Variants in DOCK7 observed in about 807,000 individuals in gnomAD.
DOCK7 encodes the protein dedicator of cytokinesis protein 7.
A neutral mutation model predicts 271.0 loss-of-function variants in DOCK7; 138 were observed. The observed-to-expected ratio is 0.51, with a 90% CI of 0.44 to 0.59. DOCK7 has a LOEUF of 0.59. Among genes scored for constraint, DOCK7 ranks in the 20% least tolerant of loss-of-function variants. The pLI is 0.00. For synonymous variants in DOCK7, 823 were observed against 876.1 expected (o/e 0.94, Z 1.07); for missense variants, 2,066 against 2,592.4 (o/e 0.80, Z 4.41).
chr1:62,638,573 A>G (rs1448869285), intron 7 of DOCK7, among the ~76,000 whole-genome samples: 1 of 146,456 alleles, frequency 6.8e-6, no homozygotes, highest in Non-Finnish European at 1.5e-5. Context: ...ATGAATATAT[A>G]TTTTCATGAA....
chr1:62,460,057 G>C (rs1645470053), intron 48 of DOCK7, among the ~76,000 whole-genome samples: 1 of 127,746 alleles, frequency 7.8e-6, no homozygotes, highest in Non-Finnish European at 1.5e-5. Flanking sequence ...CAGAGATTTC[G>C]CCACTACACT....
intron 48 of DOCK7, among the ~76,000 whole-genome samples, chr1:62,459,962 G>A (rs560747800): frequency 1.9e-4 from 29 of 151,898 alleles, no homozygotes; most frequent in African/African-American, 4.8e-4. Flanking sequence ...TTAGCCAGGT[G>A]TGGTGGTGGG....
At chr1:62,581,162 T>G (rs1647107123) in intron 16 of DOCK7, among the ~76,000 whole-genome samples, 1 of 152,112 alleles carries the variant, frequency 6.6e-6, no homozygotes, top group South Asian at 2.1e-4. Context: ...AAGTTTGAGA[T>G]CAGGGAATTG....
At chr1:62,672,003 T>G (rs1208653872) in intron 1 of DOCK7, among the ~76,000 whole-genome samples, 2 of 147,054 alleles carry the variant, frequency 1.4e-5, no homozygotes, top group East Asian at 3.9e-4. Context: ...ATCTTTTAAA[T>G]AAATAAATAA....
intron 31 of DOCK7, among the ~76,000 whole-genome samples, chr1:62,514,717 T>TAAA (rs1008867701): frequency 9.4e-6 from 1 of 106,356 alleles, no homozygotes; most frequent in Non-Finnish European, 2.3e-5. Context: ...AATCATGTTT[T>TAAA]ATTTAGCTCT....
At position 62,578,398 on chromosome 1, in the gene DOCK7, G is replaced by A. The variant is rs548752586; in HGVS notation, c.2010+430C>T. Among the ~76,000 whole-genome samples the A allele has an allele frequency of 5.9e-5, 9 of 152,120 alleles. 1 individual carries two copies. The highest frequency in any genetic ancestry group is 9.6e-5 in the African/African-American group (4 of 41,506). On this transcript the variant is annotated intron_variant, in intron 17 of 49. Coordinates refer to ENST00000635253, the MANE Select transcript of DOCK7 (RefSeq NM_001367561.1). ...TCCTAATCAATGCAACTTCATAACT[G>A]TGGGGAATCAGACAAGAAATATTTA...
chr1:62,502,613 G>A lies in DOCK7; in HGVS notation c.4764+2017C>T, dbSNP rs143505631. On this transcript the variant is annotated intron_variant, in intron 37 of 49. Coordinates refer to ENST00000635253, the MANE Select transcript of DOCK7 (RefSeq NM_001367561.1). ...ATTACTGCCCTGGTTGAGAATGCAT[G>A]ATCTAAAGAAATAGAGTACTAGGGG... 3.3e-5 allele frequency among the ~76,000 whole-genome samples: 5 copies of A among 152,238 alleles called. No homozygotes were observed. In the East Asian group the frequency reaches 9.6e-4, roughly 29 times the overall value.
At chr1:62,458,156 GGTGT>G (rs10609544) in intron 48 of DOCK7, 22,598 of 152,452 alleles carry the variant, frequency 0.15, 1,669 homozygotes, top group Non-Finnish European at 0.18. Flanking sequence ...CTCAAACGTG[GGTGT>G]GTGTGTGTGT....
Position 62,475,261 on chromosome 1 carries a change from G to A in DOCK7, c.6052C>T (p.Pro2018Ser). The A allele has an allele frequency of 6.2e-7, 1 of 1,613,886 alleles. No individual in the cohort carries two copies. Among genetic ancestry groups the A allele is most frequent in the Non-Finnish European group, 8.5e-7 (1 of 1,179,914 alleles). The change falls in exon 47 of 50, where the codon CCC becomes TCC. Residue 2018 changes from proline to serine, a missense_variant. By Grantham distance (74) the Pro-to-Ser change is moderately conservative (BLOSUM62 -1). Around this residue, in one of 2 missense-constraint regions of DOCK7, gnomAD observed 652 missense variants for 922.1 expected, o/e 0.71. Transcript: ENST00000635253. ...TGGAGTACCATCTGAAGCATTTTGG[G>A]GTCTGCGGGATCCTGATGTGTTGCA... ...AFATHQDPAD[P>S]KMLQMVLQGS...
chr1:62,479,694 GT>G, intron 43 of DOCK7: 30 of 353,822 alleles, frequency 8.5e-5, no homozygotes, highest in South Asian at 2.0e-4. Context: ...TTAGTTTTTA[GT>G]TTTTTTGAGA....
At chr1:62,489,860 C>G (rs892050942) in intron 41 of DOCK7, among the ~76,000 whole-genome samples, 1 of 152,016 alleles carries the variant, frequency 6.6e-6, no homozygotes, top group African/African-American at 2.4e-5. Flanking sequence ...TTTACTTTTC[C>G]AAAATATTAA....
At chr1:62,510,465 AT>A (rs1644451066) in intron 34 of DOCK7, 111 bp downstream of exon 34, 3 of 648,230 alleles carry the variant, frequency 4.6e-6, no homozygotes, top group Admixed American at 7.3e-5. Context: ...GACTTAATAT[AT>A]TTATTAAGTG....
rs1647190061 is a variant in DOCK7, at chr1:62,583,205, G to A, written c.1850C>T (p.Thr617Ile). 6.2e-7 allele frequency: 1 copy of A among 1,613,108 alleles called. No individual in the cohort carries two copies. Among genetic ancestry groups the A allele is most frequent in the Non-Finnish European group, 8.5e-7 (1 of 1,179,358 alleles). The stretch of plus-strand genomic sequence containing the variant: ...GTACCTGTTATGATATACTACGGCT[G>A]TATAGGCTTCCTTTGAAAATTCTGA... ...SCSEFSKEAY[T>I]AVVYHNRSPD... The change falls in exon 16 of 50, where the codon ACA (threonine) becomes ATA (isoleucine). Residue 617 changes from threonine (T) to isoleucine (I), a missense_variant. Coordinates refer to ENST00000635253, the MANE Select transcript of DOCK7 (RefSeq NM_001367561.1).
intron 14 of DOCK7, chr1:62,598,898 A>G: frequency 1.3e-6 from 1 of 795,012 alleles, no homozygotes; most frequent in Non-Finnish European, 2.2e-6. Flanking sequence ...TAACTGGATC[A>G]TGAGTAAAAT....
intron 1 of DOCK7, among the ~76,000 whole-genome samples, chr1:62,671,101 C>T (rs980929445): frequency 3.3e-5 from 5 of 152,016 alleles, no homozygotes; most frequent in African/African-American, 7.3e-5. Flanking sequence ...AGCGAGACCA[C>T]GAACCCACCA....
chr1:62,593,398 C>T (rs549022207), intron 14 of DOCK7, among the ~76,000 whole-genome samples: 181 of 152,008 alleles, frequency 1.2e-3, no homozygotes, highest in African/African-American at 4.2e-3. Context: ...GGTGAAACCC[C>T]GTCTCTACTA....
At chr1:62,602,295 G>T (rs1650254908) in intron 14 of DOCK7, 2 of 1,608,324 alleles carry the variant, frequency 1.2e-6, no homozygotes, top group South Asian at 1.1e-5. Flanking sequence ...GTAGTCCATG[G>T]ACATTAATTC....
At chr1:62,625,806 C>T (rs1177021956) in intron 11 of DOCK7, among the ~76,000 whole-genome samples, 1 of 152,084 alleles carries the variant, frequency 6.6e-6, no homozygotes, top group African/African-American at 2.4e-5. Context: ...GCAAGATAAT[C>T]CTATTATTTA....
Position 62,625,307 on chromosome 1 carries a change from C to T in DOCK7, c.1377G>A (p.Leu459=). The change falls in exon 12 of 50, where the codon TTG becomes TTA. Residue 459 remains leucine, a synonymous_variant. Coordinates refer to ENST00000635253, the MANE Select transcript of DOCK7 (RefSeq NM_001367561.1). ...TGAGAGTAGCTGGTCGAAAGCTCGT[C>T]AAGTTACAAGCATCATCTCCACTTG... The part of the protein sequence containing the change: ...RTTSGDDACN[L]TSFRPATLTV... 6.2e-7 allele frequency: 1 copy of T among 1,614,006 alleles called. No homozygotes were observed. The highest frequency in any genetic ancestry group is 8.5e-7 in the Non-Finnish European group (1 of 1,179,968).
Sources: allele counts gnomAD v4.1 joint callset (sites outside exome capture counted in the v4.1 genomes callset), GRCh38; gene constraint gnomAD v4.1.1; regional missense constraint gnomAD v4.1.1; transcripts MANE v1.5; gene names NCBI Gene and HGNC (gene_info 2026-07-23, HGNC 2026-07-21).